Variants in NPSR1 observed in about 807,000 individuals in gnomAD.
NPSR1 encodes the protein neuropeptide S receptor 1, also known as neuropeptide S receptor.
In NPSR1, 48 loss-of-function variants were observed where a neutral mutation model predicts 46.9. The observed-to-expected ratio is 1.02, with a 90% confidence interval of 0.81 to 1.30. NPSR1 has a LOEUF of 1.30. Ranked by LOEUF, NPSR1 falls within the 50% of genes most tolerant of loss-of-function variation. The pLI is 0.00. For missense variants in NPSR1, 450 were observed against 449.5 expected, an observed-to-expected ratio of 1.00 and a Z score of -0.01; for synonymous variants, 176 against 168.1, an observed-to-expected ratio of 1.05 and a Z score of -0.36.
intron 2 of NPSR1, among the ~76,000 whole-genome samples, chr7:34,736,559 C>T (rs1345000550): frequency 6.6e-6 from 1 of 152,054 alleles, no homozygotes; most frequent in Non-Finnish European, 1.5e-5. Context: ...CACACACACA[C>T]CCTACCTACT....
intron 5 of NPSR1, among the ~76,000 whole-genome samples, chr7:34,832,849 A>G (rs1790182069): frequency 6.6e-6 from 1 of 152,240 alleles, no homozygotes; most frequent in Admixed American, 6.5e-5. Context: ...TACCTTGCAC[A>G]GTATTTCACT....
At chr7:34,781,768 C>G (rs1461623891) in intron 3 of NPSR1, among the ~76,000 whole-genome samples, 1 of 152,192 alleles carries the variant, frequency 6.6e-6, no homozygotes, top group African/African-American at 2.4e-5. Flanking sequence ...AATGCCCACA[C>G]TCCAGACTGA....
chr7:34,847,805 A>T (rs1790792108), intron 7 of NPSR1, among the ~76,000 whole-genome samples: 1 of 152,202 alleles, frequency 6.6e-6, no homozygotes, highest in Admixed American at 6.5e-5. Context: ...TTAACCGAAT[A>T]TCTGAGCACT....
intron 2 of NPSR1, chr7:34,710,608 C>G (rs549079547): frequency 5.9e-6 from 1 of 169,694 alleles, no homozygotes; most frequent in African/African-American, 2.4e-5. Flanking sequence ...GCAGTGTTTT[C>G]AGAAAATGGC....
chr7:34,804,165 G>A (rs1411223595), intron 3 of NPSR1, among the ~76,000 whole-genome samples: 1 of 152,056 alleles, frequency 6.6e-6, no homozygotes, highest in Non-Finnish European at 1.5e-5. Context: ...CTTGTTCCAT[G>A]AGGCCAGAAA....
At chr7:34,772,767 G>T (rs1376311167) in intron 2 of NPSR1, among the ~76,000 whole-genome samples, 5 of 152,088 alleles carry the variant, frequency 3.3e-5, no homozygotes, top group Admixed American at 2.6e-4. Flanking sequence ...TCCACTAATT[G>T]TCTGCCATCA....
chr7:34,852,262 T>G (rs1272911674), downstream of NPSR1, among the ~76,000 whole-genome samples: 1 of 151,802 alleles, frequency 6.6e-6, no homozygotes, highest in Admixed American at 6.6e-5. Context: ...ATCACGTCAC[T>G]GCACTGCGGC....
At chr7:34,701,747 G>A (rs553744722) in intron 2 of NPSR1, among the ~76,000 whole-genome samples, 98 of 152,238 alleles carry the variant, frequency 6.4e-4, no homozygotes, top group Admixed American at 2.4e-3. Context: ...GCTTTTCTGA[G>A]GGAGAATAAT....
chr7:34,766,512 C>A (rs571185172), intron 2 of NPSR1, among the ~76,000 whole-genome samples: 1 of 151,708 alleles, frequency 6.6e-6, no homozygotes, highest in Non-Finnish European at 1.5e-5. Context: ...TAAAACTATT[C>A]GGCAATAAGA....
intron 2 of NPSR1, among the ~76,000 whole-genome samples, chr7:34,687,465 C>T (rs1792994742): frequency 6.6e-6 from 1 of 152,156 alleles, no homozygotes; most frequent in Non-Finnish European, 1.5e-5. Context: ...TTAATACAAT[C>T]ATGGCAGAAG....
At chr7:34,734,963 G>C (rs539679369) in intron 2 of NPSR1, among the ~76,000 whole-genome samples, 9 of 152,190 alleles carry the variant, frequency 5.9e-5, no homozygotes, top group Non-Finnish European at 7.4e-5. Context: ...CTCCCCACAA[G>C]GGACCTCAGT....
At chr7:34,720,812 A>G (rs1356110939) in intron 2 of NPSR1, among the ~76,000 whole-genome samples, 1 of 152,196 alleles carries the variant, frequency 6.6e-6, no homozygotes, top group East Asian at 1.9e-4. Flanking sequence ...AAGCAGGGGC[A>G]AGAGTAATTT....
chr7:34,753,712 G>C (rs900222470), intron 2 of NPSR1: 4 of 151,980 alleles, frequency 2.6e-5, no homozygotes, highest in African/African-American at 9.7e-5. Flanking sequence ...ATAAAGAGAC[G>C]CCCCTGTCCA....
intron 1 of NPSR1, among the ~76,000 whole-genome samples, chr7:34,670,988 T>C (rs1253553971): frequency 1.3e-5 from 2 of 152,140 alleles, no homozygotes; most frequent in African/African-American, 4.8e-5. Flanking sequence ...GTAATTCTAC[T>C]TGTAGGATTA....
chr7:34,714,048 A>T (rs1291006205), intron 2 of NPSR1, among the ~76,000 whole-genome samples: 1 of 152,220 alleles, frequency 6.6e-6, no homozygotes, highest in Non-Finnish European at 1.5e-5. Flanking sequence ...TCTTTTCTCC[A>T]TGCTGTCTGA....
intron 4 of NPSR1, among the ~76,000 whole-genome samples, chr7:34,824,269 G>C (rs1275910609): frequency 6.6e-6 from 1 of 152,162 alleles, no homozygotes; most frequent in East Asian, 1.9e-4. Flanking sequence ...TTATAAAAAG[G>C]TAAATGAGTT....
chr7:34,866,851 C>T (rs1001617864), intron 8 of NPSR1, among the ~76,000 whole-genome samples: 4 of 151,712 alleles, frequency 2.6e-5, no homozygotes, highest in Middle Eastern at 3.4e-3. Flanking sequence ...AAAACCCATG[C>T]CAAATTGAAA....
rs1790692692 is a variant in NPSR1 at position 34,844,946 on chromosome 7, A to G, written c.808A>G (p.Ile270Val). The change falls in exon 7 of 9, where the codon ATC becomes GTC. Residue 270 changes from isoleucine to valine, a missense_variant. Transcript: ENST00000360581. ...YNRGLISKAK[I>V]KAIKYSIIII... is the part of the protein sequence containing the mutation. Reference sequence around the variant, plus strand: ...CCGAGGACTCATCTCAAAGGCAAAAATCAAGGCTATCAAGTATAGCATCAT... The same window carrying G: ...CCGAGGACTCATCTCAAAGGCAAAAGTCAAGGCTATCAAGTATAGCATCAT... 1.9e-6 allele frequency: 3 copies of G among 1,612,958 alleles called. No homozygotes were observed. The highest frequency in any genetic ancestry group is 2.2e-5 in the South Asian group (2 of 91,054).
intron 3 of NPSR1, among the ~76,000 whole-genome samples, chr7:34,790,974 TTA>T (rs369505073): frequency 1.8e-4 from 13 of 72,242 alleles, no homozygotes; most frequent in East Asian, 1.3e-3. Context: ...ATTATATATG[TTA>T]TATGTTATAT....
Sources: allele counts gnomAD v4.1 joint callset (sites outside exome capture counted in the v4.1 genomes callset), GRCh38; gene constraint gnomAD v4.1.1; transcripts MANE v1.5; gene names NCBI Gene and HGNC (gene_info 2026-07-23, HGNC 2026-07-21).